KIF12: variants seen among roughly 807,000 people sequenced by gnomAD.
The protein encoded by KIF12 is kinesin family member 12.
A neutral mutation model predicts 87.9 loss-of-function variants in KIF12; 80 were observed. The observed-to-expected ratio is 0.91, with a 90% CI of 0.76 to 1.10. The LOEUF (loss-of-function observed/expected upper bound fraction) is 1.10, where lower values mean the gene tolerates loss of function less well. KIF12 is among the 50% of genes least tolerant of loss of function. KIF12 has a pLI of 0.00. For missense variants in KIF12, 819 were observed against 865.3 expected (o/e 0.95, Z 0.67); for synonymous variants, 353 against 348.5 (o/e 1.01, Z -0.14).
At position 114,091,896 on chromosome 9, in the gene KIF12, C is replaced by T. The variant is rs116937342; in HGVS notation, c.1921G>A (p.Ala641Thr). 1,241 of 1,611,398 alleles carry T rather than the reference C, an allele frequency of 7.7e-4. 12 individuals are homozygous for T. In the East Asian group the frequency reaches 0.013, roughly 16 times the overall value. Residue 641 changes from alanine (A) to threonine (T), a missense_variant, in exon 19 of 19, where the codon GCA becomes ACA. Physicochemically the swap from Ala to Thr is moderately conservative, Grantham distance 58. Transcript: ENST00000640217. ...GRSQPPCSEG[A>T]RSPGQVLPPH ...GGGAGGACTTGGCCTGGGCTCCGTG[C>T]GCCCTCACTGCAGGGTGGCTGGCTG...
Position 114,094,198 on chromosome 9 carries a change from T to C in KIF12, c.1296A>G (p.Leu432=). ...TGCCCTACCTGAGCCTCTCATTCTC[T>C]AGCATGAACTCCTGTAGCATCCCGT... ...NLYGMLQEFM[L]ENERLRKEKS... is the part of the protein sequence containing the mutation. Residue 432 remains leucine, a synonymous_variant, in exon 13 of 19, where the codon CTA becomes CTG. Transcript: ENST00000640217. 1.2e-6 allele frequency: 2 copies of C among 1,613,742 alleles called. No individual in the cohort carries two copies. The highest frequency in any genetic ancestry group is 1.7e-6 in the Non-Finnish European group (2 of 1,179,822).
chr9:114,094,563 T>G, intron 11 of KIF12, 108 bp from the exon 12 acceptor site: 1 of 664,108 alleles, frequency 1.5e-6, no homozygotes, highest in Non-Finnish European at 2.6e-6. Flanking sequence ...AGCCCATGCT[T>G]CATTCGTCAG....
intron 7 of KIF12, 145 bp downstream of exon 7, chr9:114,097,156 G>T (rs940245566): frequency 4.2e-5 from 46 of 1,107,714 alleles, no homozygotes; most frequent in Non-Finnish European, 5.3e-5. Context: ...CCATGCCTTT[G>T]AATTGTGGTT....
chr9:114,097,150 GCCTT>G lies in KIF12; in HGVS notation c.646+147_646+150del. 6 of 801,592 alleles carry G rather than the reference GCCTT, an allele frequency of 7.5e-6. 1 individual carries two copies. The highest frequency in any genetic ancestry group is 1.1e-5 in the Non-Finnish European group (6 of 545,074). 49.7% of individuals were successfully genotyped at this position (801,592 alleles called of 1,614,324 possible). A position where few individuals can be genotyped will look rare whatever the true frequency, so the allele number is the denominator to read the frequency against. ...CAGTGCGGGGAGGCCCTTGGGCCAT[GCCTT>G]TGAATTGTGGTTTACTGGTCCTTCC... On this transcript the variant is annotated intron_variant, in intron 7 of 18. Transcript: ENST00000640217.
chr9:114,094,532 A>G (rs769595544), intron 11 of KIF12, 77 bp from the exon 12 acceptor site: 3 of 834,822 alleles, frequency 3.6e-6, no homozygotes, highest in Admixed American at 2.3e-5. Context: ...GGGTGTGGGA[A>G]GTAACTGGGG....
chr9:114,097,993 C>A (rs1024349221), intron 5 of KIF12, 122 bp downstream of exon 5: 12 of 1,076,316 alleles, frequency 1.1e-5, no homozygotes, highest in Non-Finnish European at 1.6e-5. Flanking sequence ...CGTCTGCAAA[C>A]AAGCGGGTCA....
rs1297628772 is a variant in KIF12, at chr9:114,099,264, C to G, written c.13G>C (p.Gly5Arg). 3 of 1,551,072 alleles carry G rather than the reference C, an allele frequency of 1.9e-6. No individual in the cohort carries two copies. The highest frequency in any genetic ancestry group is 2.4e-5 in the East Asian group (1 of 40,920). The change falls in exon 1 of 19, where the codon GGG (glycine) becomes CGG (arginine). Residue 5 changes from glycine (G) to arginine (R), a missense_variant. Coordinates refer to ENST00000640217, the MANE Select transcript of KIF12 (RefSeq NM_001388308.1). MEERGSPDGDLARSL... is the reference protein window; with the variant it reads MEERRSPDGDLARSL... ...AGATCTGCTTACCCGTCGGGTGACC[C>G]GCGTTCTTCCATGTCCTGCTCTGCA...
intron 14 of KIF12, 33 bp from the exon 15 acceptor site, chr9:114,093,530 C>T (rs1194163854): frequency 6.7e-7 from 1 of 1,503,246 alleles, no homozygotes; most frequent in Non-Finnish European, 9.1e-7. Context: ...TGCCTGCAGC[C>T]TCCAACCCTA....
chr9:114,097,932 CCCAAATGCT>C, intron 5 of KIF12, 174 bp downstream of exon 5: 1 of 928,886 alleles, frequency 1.1e-6, no homozygotes, highest in South Asian at 1.8e-5. Context: ...AAAGTTGAAG[CCCAAATGCT>C]CCAAATTGGG....
In KIF12 at chr9:114,092,425, C is replaced by G; in HGVS notation, c.1724G>C (p.Arg575Pro). The change falls in exon 18 of 19, where the codon CGA becomes CCA. Residue 575 changes from arginine to proline, a missense_variant. By Grantham distance (103) the Arg-to-Pro change is moderately radical. Transcript: ENST00000640217. ...CTCCGTCAACATCTCTGCCAGGACT[C>G]GGGTCTGAGTCCAGTCACTGTGACT... ...ERSHSDWTQTRVLAEMLTEEE... is the reference protein window; with the variant it reads ...ERSHSDWTQTPVLAEMLTEEE... The G allele has an allele frequency of 6.2e-7, 1 of 1,613,462 alleles. No individual in the cohort carries two copies. Among genetic ancestry groups the G allele is most frequent in the Middle Eastern group, 1.7e-4 (1 of 6,054 alleles).
Position 114,091,795 on chromosome 9 carries a change from T to C in KIF12, c.*66A>G, listed in dbSNP as rs1847007859. On this transcript the variant is annotated 3_prime_UTR_variant, in exon 19 of 19. Transcript: ENST00000640217. ...GTCTCCATTCAGCAGATGGGCAGACTGAAGCCCAAGAGTGTGGAGCCCAGT... is the reference window on the plus strand; with the variant it reads ...GTCTCCATTCAGCAGATGGGCAGACCGAAGCCCAAGAGTGTGGAGCCCAGT... 6.8e-7 allele frequency: 1 copy of C among 1,475,500 alleles called. No homozygotes were observed. The highest frequency in any genetic ancestry group is 9.1e-7 in the Non-Finnish European group (1 of 1,102,366). The allele number at this position is 1,475,500 out of a possible 1,614,324, so 91.4% of individuals were successfully genotyped here.
chr9:114,092,114 TC>T (rs1485618273), intron 18 of KIF12, 114 bp from the exon 19 acceptor site: 11 of 1,389,250 alleles, frequency 7.9e-6, no homozygotes, highest in Non-Finnish European at 9.5e-6. Flanking sequence ...CCTCCACCCT[TC>T]CCCCCACCCC....
chr9:114,097,395 A>G lies in KIF12; in HGVS notation c.552T>C (p.Pro184=), dbSNP rs986955950. The G allele has an allele frequency of 1.9e-6, 3 of 1,605,972 alleles. No homozygotes were observed. Among genetic ancestry groups the G allele is most frequent in the African/African-American group, 1.3e-5 (1 of 74,248 alleles). Residue 184 remains proline (P), a synonymous_variant, in exon 7 of 19, where the codon CCT becomes CCC. Coordinates refer to ENST00000640217, the MANE Select transcript of KIF12 (RefSeq NM_001388308.1). ...LLSLGSPRPL[P]VRWNKTRGFY... is the part of the protein sequence containing the mutation. The stretch of plus-strand genomic sequence containing the variant: ...AGCCCCGAGTCTTGTTCCAGCGAAC[A>G]GGGAGGGGCCGGGGAGACCCCAGGC...
At position 114,096,037 on chromosome 9, in the gene KIF12, C is replaced by T; in HGVS notation, c.895+14G>A. 1 of 1,598,988 alleles carries T rather than the reference C, an allele frequency of 6.3e-7. No individual in the cohort carries two copies. Among genetic ancestry groups the T allele is most frequent in the Non-Finnish European group, 8.5e-7 (1 of 1,173,098 alleles). On this transcript the variant is annotated intron_variant, in intron 9 of 18. Coordinates refer to ENST00000640217, the MANE Select transcript of KIF12 (RefSeq NM_001388308.1). ...GAGAGACAGGAAATCACACCGGTGGCCCCCAGGTCTCACCCAGGGCCAGCA... is the reference window on the plus strand; with the variant it reads ...GAGAGACAGGAAATCACACCGGTGGTCCCCAGGTCTCACCCAGGGCCAGCA...
intron 3 of KIF12, 64 bp downstream of exon 3, chr9:114,098,871 T>C: frequency 6.6e-7 from 1 of 1,520,154 alleles, no homozygotes; most frequent in Non-Finnish European, 8.8e-7. Context: ...CAAAGTTGCC[T>C]GGGGGAAGGG....
At position 114,093,310 on chromosome 9, in the gene KIF12, G is replaced by C; in HGVS notation, c.1515C>G (p.Cys505Trp). The C allele has an allele frequency of 1.3e-6, 2 of 1,560,498 alleles. No homozygotes were observed. Among genetic ancestry groups the C allele is most frequent in the Non-Finnish European group, 1.7e-6 (2 of 1,151,638 alleles). Reference protein sequence around the residue: ...PCHALPPLYSCPCCHICPLCR... With the variant: ...PCHALPPLYSWPCCHICPLCR... ...ACAGTGGGCAGATGTGGCAGCAGGG[G>C]CAGGAGTAGAGGGGTGGCAGTGCCT... The change falls in exon 16 of 19, where the codon TGC becomes TGG. Residue 505 changes from cysteine (C) to tryptophan (W), a missense_variant. Physicochemically the swap from Cys to Trp is radical, Grantham distance 215 (BLOSUM62 -2). Coordinates refer to ENST00000640217, the MANE Select transcript of KIF12 (RefSeq NM_001388308.1).
chr9:114,097,976 G>C (rs1197636202), intron 5 of KIF12, 139 bp downstream of exon 5: 3 of 997,308 alleles, frequency 3.0e-6, no homozygotes, highest in Admixed American at 5.8e-5. Flanking sequence ...TTGGTCCTCA[G>C]CGTCCTCGTC....
chr9:114,095,146 CT>C lies in KIF12; in HGVS notation c.1015-20del, dbSNP rs1847167459. 1 of 1,607,112 alleles carries C rather than the reference CT, an allele frequency of 6.2e-7. No homozygotes were observed. The highest frequency in any genetic ancestry group is 8.5e-7 in the Non-Finnish European group (1 of 1,176,624). On this transcript the variant is annotated intron_variant, in intron 10 of 18. Transcript: ENST00000640217. ...AGGCCACCTGGGGAGTGCACTCCCCCTGAGCGCTCCTCTCTGAGGGCCCCTT... is the reference window on the plus strand; with the variant it reads ...AGGCCACCTGGGGAGTGCACTCCCCCGAGCGCTCCTCTCTGAGGGCCCCTT...
Position 114,098,101 on chromosome 9 carries a change from C to T in KIF12, c.375+14G>A, listed in dbSNP as rs1012351860. ...CAGCCCCGCCCCGCGGGGGCGCCGC[C>T]GGCGCTCGCTCACCTGGGGAGGGGG... On this transcript the variant is annotated intron_variant, in intron 5 of 18. Coordinates refer to ENST00000640217, the MANE Select transcript of KIF12 (RefSeq NM_001388308.1). 7 of 1,543,512 alleles carry T rather than the reference C, an allele frequency of 4.5e-6. No individual in the cohort carries two copies. Among genetic ancestry groups the T allele is most frequent in the African/African-American group, 2.8e-5 (2 of 72,562 alleles).
Sources: gnomAD v4.1 joint callset for allele counts on GRCh38, gnomAD v4.1.1 for gene constraint, MANE v1.5 for transcripts, NCBI Gene and HGNC (gene_info 2026-07-23, HGNC 2026-07-21) for gene names.